The following SRBD1 variants were observed in gnomAD, a reference collection of about 807,000 sequenced individuals.
SRBD1 encodes the protein S1 RNA binding domain 1, also known as S1 RNA-binding domain-containing protein 1.
A neutral mutation model predicts 115.3 loss-of-function variants in SRBD1; 88 were observed. That is an observed-to-expected ratio of 0.76 (90% CI 0.64 to 0.91). The LOEUF (loss-of-function observed/expected upper bound fraction) is 0.91. Ranked by LOEUF, SRBD1 falls within the 40% of genes least tolerant of loss-of-function variation. The pLI is 0.00. For synonymous variants in SRBD1, 509 were observed against 407.7 expected (o/e 1.25, Z -2.99); for missense variants, 1,385 against 1,177.4 (o/e 1.18, Z -2.58).
Position 45,415,015 on chromosome 2 carries a change from T to TAC in SRBD1, c.2334-1723_2334-1722insGT, listed in dbSNP as rs1435419989. ...ACACATATAGTGTGTATATAGTATG[T>TAC]ATATACACACATATAGTGTGTATAT... On this transcript the variant is annotated intron_variant, in intron 18 of 20. Coordinates refer to ENST00000263736, the MANE Select transcript of SRBD1 (RefSeq NM_018079.5). 7.6e-4 allele frequency among the ~76,000 whole-genome samples: 74 copies of TAC among 97,282 alleles called. 1 individual carries two copies. In the East Asian group the frequency reaches 0.01, roughly 13 times the overall value. 63.8% of individuals were successfully genotyped at this position (97,282 alleles called of 152,430 possible).
intron 19 of SRBD1, among the ~76,000 whole-genome samples, chr2:45,394,057 A>C (rs1225440050): frequency 6.6e-6 from 1 of 152,240 alleles, no homozygotes; most frequent in Non-Finnish European, 1.5e-5. Context: ...GGGATATCAA[A>C]AAGAAAAAGT....
chr2:45,542,308 G>A (rs1319079913), intron 14 of SRBD1, among the ~76,000 whole-genome samples: 1 of 152,254 alleles, frequency 6.6e-6, no homozygotes, highest in East Asian at 1.9e-4. Context: ...GGAGCAGGGA[G>A]AGGCCAGGGA....
chr2:45,507,772 T>C (rs1477541410), intron 14 of SRBD1, among the ~76,000 whole-genome samples: 12 of 151,972 alleles, frequency 7.9e-5, no homozygotes, highest in Admixed American at 7.9e-4. Context: ...ATAATCCATA[T>C]TCAGTCAATT....
intron 10 of SRBD1, among the ~76,000 whole-genome samples, chr2:45,557,551 C>A (rs1386636918): frequency 1.3e-5 from 2 of 152,164 alleles, no homozygotes; most frequent in African/African-American, 2.4e-5. Context: ...CTCAATCATG[C>A]CCATTCAGTT....
intron 16 of SRBD1, among the ~76,000 whole-genome samples, chr2:45,427,848 A>G (rs536859995): frequency 6.6e-6 from 1 of 152,296 alleles, no homozygotes; most frequent in African/African-American, 2.4e-5. Context: ...AGATTCATAA[A>G]GCAAGTTCTT....
chr2:45,495,363 AGTTT>A, intron 14 of SRBD1, among the ~76,000 whole-genome samples: 1 of 152,300 alleles, frequency 6.6e-6, no homozygotes, highest in Non-Finnish European at 1.5e-5. Context: ...AAAGATGGAA[AGTTT>A]GTTTCCTATT....
chr2:45,456,322 T>C (rs555402458), intron 16 of SRBD1, among the ~76,000 whole-genome samples: 40 of 152,016 alleles, frequency 2.6e-4, no homozygotes, highest in Non-Finnish European at 5.0e-4. Flanking sequence ...AGACTGAAAA[T>C]AAGCTCTGTA....
At chr2:45,492,101 G>A (rs933024017) in intron 14 of SRBD1, among the ~76,000 whole-genome samples, 3 of 152,166 alleles carry the variant, frequency 2.0e-5, no homozygotes, top group East Asian at 1.9e-4. Flanking sequence ...GATCACAGGC[G>A]TGAGCCACTA....
chr2:45,526,325 T>C (rs950928336), intron 14 of SRBD1, among the ~76,000 whole-genome samples: 2 of 151,962 alleles, frequency 1.3e-5, no homozygotes, highest in African/African-American at 4.8e-5. Context: ...CTCGAAAACA[T>C]GCTAACGGAA....
intron 14 of SRBD1, among the ~76,000 whole-genome samples, chr2:45,536,962 C>T (rs770654262): frequency 3.8e-4 from 58 of 152,158 alleles, no homozygotes; most frequent in African/African-American, 1.3e-3. Flanking sequence ...CACATATATA[C>T]ATGTAACCAA....
At chr2:45,436,413 T>C (rs576246079) in intron 16 of SRBD1, among the ~76,000 whole-genome samples, 2 of 152,270 alleles carry the variant, frequency 1.3e-5, no homozygotes, top group Admixed American at 6.5e-5. Flanking sequence ...CCTAATGCAG[T>C]AAGAAAAGAA....
chr2:45,472,956 G>GTTTT (rs5830862), intron 16 of SRBD1, among the ~76,000 whole-genome samples: 2 of 148,040 alleles, frequency 1.4e-5, no homozygotes, highest in Non-Finnish European at 3.0e-5. Flanking sequence ...TATCAAGGTT[G>GTTTT]TTTTTTTTTT....
At position 45,389,079 on chromosome 2, in the gene SRBD1, A is replaced by C. The variant is rs1337159523; in HGVS notation, c.*231T>G. On this transcript the variant is annotated 3_prime_UTR_variant, in exon 21 of 21. Transcript: ENST00000263736. ...ATTTTAGTCAGAAAACTATTACTAC[A>C]TAAAGCCATATAAGAATGTGTATTA... The C allele has an allele frequency of 2.0e-6, 1 of 507,354 alleles. No individual in the cohort carries two copies. The highest frequency in any genetic ancestry group is 3.4e-6 in the Non-Finnish European group (1 of 296,806). The allele number at this position is 507,354 out of a possible 1,614,324, so 31.4% of individuals were successfully genotyped here. A position where few individuals can be genotyped will look rare whatever the true frequency, so the allele number is the denominator to read the frequency against.
intron 19 of SRBD1, among the ~76,000 whole-genome samples, chr2:45,411,816 A>G (rs6718416): frequency 0.58 from 87,883 of 152,034 alleles, 26,533 homozygotes; most frequent in Non-Finnish European, 0.69. Flanking sequence ...GAATGCATCA[A>G]AAACATAAGA....
intron 4 of SRBD1, among the ~76,000 whole-genome samples, chr2:45,590,788 G>A (rs1057062079): frequency 4.6e-5 from 7 of 152,230 alleles, no homozygotes; most frequent in South Asian, 2.1e-4. Flanking sequence ...AGGCCGAGGC[G>A]TGCGGATAAC....
At chr2:45,402,533 T>G (rs1445860771) in intron 19 of SRBD1, among the ~76,000 whole-genome samples, 1 of 152,184 alleles carries the variant, frequency 6.6e-6, no homozygotes, top group African/African-American at 2.4e-5. Context: ...CCAATGCTAC[T>G]GCATGTGATA....
chr2:45,568,986 T>G (rs1032926201), intron 9 of SRBD1, among the ~76,000 whole-genome samples: 2 of 152,188 alleles, frequency 1.3e-5, no homozygotes, highest in Admixed American at 1.3e-4. Flanking sequence ...AAAGTAAAAT[T>G]GACAATTTTA....
At chr2:45,517,307 T>C (rs1179237373) in intron 14 of SRBD1, among the ~76,000 whole-genome samples, 1 of 152,236 alleles carries the variant, frequency 6.6e-6, no homozygotes, top group Non-Finnish European at 1.5e-5. Flanking sequence ...TTCCTGTTTT[T>C]ACGACTATCA....
At chr2:45,446,194 T>C (rs765926272) in intron 16 of SRBD1, among the ~76,000 whole-genome samples, 5 of 152,294 alleles carry the variant, frequency 3.3e-5, no homozygotes, top group Non-Finnish European at 5.9e-5. Flanking sequence ...TCCCAGCAGG[T>C]TGGCTTCACA....
Sources: allele counts gnomAD v4.1 joint callset (sites outside exome capture counted in the v4.1 genomes callset), GRCh38; gene constraint gnomAD v4.1.1; transcripts MANE v1.5; gene names NCBI Gene and HGNC (gene_info 2026-07-23, HGNC 2026-07-21).